GALNTL6: variants seen among roughly 807,000 people sequenced by gnomAD.
The protein encoded by GALNTL6 is polypeptide N-acetylgalactosaminyltransferase-like 6.
A neutral mutation model predicts 73.7 loss-of-function variants in GALNTL6; 46 were observed. The ratio of observed to expected loss-of-function variants is 0.62; its 90% confidence interval spans 0.49 to 0.80. The LOEUF (loss-of-function observed/expected upper bound fraction) is 0.80. GALNTL6 is among the 30% of genes least tolerant of loss of function. GALNTL6 has a pLI of 0.00. For synonymous variants in GALNTL6, 259 were observed against 263.7 expected (o/e 0.98, Z 0.17); for missense variants, 604 against 755.0 (o/e 0.80, Z 2.34).
chr4:171,930,020 C>G (rs982816323), intron 2 of GALNTL6, among the ~76,000 whole-genome samples: 2 of 152,224 alleles, frequency 1.3e-5, no homozygotes, highest in Admixed American at 1.3e-4. Context: ...CAGAAGTGAA[C>G]TAGCCACCCC....
Position 172,279,911 on chromosome 4 carries a change from G to T in GALNTL6, c.248-31703G>T, listed in dbSNP as rs182339012. ...CTATTCAGCCTTATGAGGAACCCAC[G>T]TCCTGTCACATGCTACATTATGGAT... On this transcript the variant is annotated intron_variant, in intron 3 of 12. Transcript: ENST00000506823. Among the ~76,000 whole-genome samples, 10 of 152,184 alleles carry T rather than the reference G, an allele frequency of 6.6e-5. No individual in the cohort carries two copies. The East Asian group carries it at 9.6e-4, about 15-fold the overall frequency.
At chr4:172,875,052 A>G (rs935421268) in intron 7 of GALNTL6, among the ~76,000 whole-genome samples, 1 of 152,100 alleles carries the variant, frequency 6.6e-6, no homozygotes, top group African/African-American at 2.4e-5. Flanking sequence ...CAGAGGAGAA[A>G]AGCACGAGCA....
At chr4:172,651,954 A>C (rs982983400) in intron 5 of GALNTL6, among the ~76,000 whole-genome samples, 19 of 152,198 alleles carry the variant, frequency 1.2e-4, no homozygotes, top group Admixed American at 6.5e-5. Flanking sequence ...AAGAGGTCCC[A>C]GGTTGGCTAA....
intron 2 of GALNTL6, among the ~76,000 whole-genome samples, chr4:171,839,487 G>T (rs1436873564): frequency 6.6e-6 from 1 of 151,890 alleles, no homozygotes; most frequent in African/African-American, 2.4e-5. Flanking sequence ...ACTGTCTGTT[G>T]CTTAGTTTCT....
chr4:172,152,647 C>T (rs1400040981), intron 2 of GALNTL6, among the ~76,000 whole-genome samples: 1 of 152,190 alleles, frequency 6.6e-6, no homozygotes, highest in Non-Finnish European at 1.5e-5. Context: ...TGAGCTCTGA[C>T]GCTGAGGCTG....
intron 2 of GALNTL6, among the ~76,000 whole-genome samples, chr4:171,871,796 A>G (rs532265917): frequency 1.3e-5 from 2 of 152,314 alleles, no homozygotes; most frequent in South Asian, 4.1e-4. Context: ...TAACAATTAC[A>G]TTATACATAA....
chr4:172,229,809 G>T lies in GALNTL6; in HGVS notation c.247+45G>T, dbSNP rs753663241. 5.1e-6 allele frequency: 6 copies of T among 1,169,410 alleles called. No individual in the cohort carries two copies. The East Asian group carries it at 1.4e-4, about 27-fold the overall frequency. 72.4% of individuals were successfully genotyped at this position (1,169,410 alleles called of 1,614,324 possible). On this transcript the variant is annotated intron_variant, in intron 3 of 12. Coordinates refer to ENST00000506823, the MANE Select transcript of GALNTL6 (RefSeq NM_001034845.3). ...CCAAAGTGCTATTTCACTCGCAGCA[G>T]TGTCTCATTTGTCACGTAAAGGATC...
chr4:172,718,022 C>T (rs945888460), intron 5 of GALNTL6, among the ~76,000 whole-genome samples: 2 of 152,112 alleles, frequency 1.3e-5, no homozygotes. Context: ...TTATAAATGT[C>T]AGCAACATAA....
chr4:172,593,078 C>T (rs1737715747), intron 5 of GALNTL6, among the ~76,000 whole-genome samples: 2 of 152,066 alleles, frequency 1.3e-5, no homozygotes, highest in Non-Finnish European at 2.9e-5. Context: ...CAACCCACCA[C>T]CCACAGGCTG....
intron 3 of GALNTL6, among the ~76,000 whole-genome samples, chr4:172,307,412 G>A (rs907872376): frequency 2.0e-5 from 3 of 151,994 alleles, no homozygotes; most frequent in Admixed American, 6.6e-5. Context: ...TGGGGTTCTT[G>A]GTCATGAAGT....
intron 2 of GALNTL6, among the ~76,000 whole-genome samples, chr4:171,957,319 CA>C (rs1739080041): frequency 6.6e-6 from 1 of 152,076 alleles, no homozygotes; most frequent in Admixed American, 6.6e-5. Flanking sequence ...AAGCAATTGT[CA>C]AAAAATAAGT....
rs1561098639 is a variant in GALNTL6, at chr4:172,471,564, C to A, written c.553+122875C>A. 2.6e-5 allele frequency among the ~76,000 whole-genome samples: 4 copies of A among 151,950 alleles called. No individual in the cohort carries two copies. In the East Asian group the frequency reaches 7.7e-4, roughly 29 times the overall value. Reference sequence around the variant, plus strand: ...ATTTTTTTAGCTATTGCCCTTTCTTCTTTTTTTATGACACATTTTTACCCA... The same window carrying A: ...ATTTTTTTAGCTATTGCCCTTTCTTATTTTTTTATGACACATTTTTACCCA... On this transcript the variant is annotated intron_variant, in intron 5 of 12. Transcript: ENST00000506823.
chr4:172,564,553 G>C (rs1298190508), intron 5 of GALNTL6, among the ~76,000 whole-genome samples: 2 of 152,206 alleles, frequency 1.3e-5, no homozygotes, highest in African/African-American at 4.8e-5. Flanking sequence ...AAGAGAGAAA[G>C]CAGAGTGGAA....
chr4:172,175,313 A>T (rs1051137528), intron 2 of GALNTL6, among the ~76,000 whole-genome samples: 3 of 152,038 alleles, frequency 2.0e-5, no homozygotes, highest in African/African-American at 7.2e-5. Context: ...TGATCCACCC[A>T]CCTTGGCCTC....
intron 2 of GALNTL6, among the ~76,000 whole-genome samples, chr4:172,009,743 A>G (rs1444299926): frequency 2.0e-5 from 3 of 152,090 alleles, no homozygotes; most frequent in Admixed American, 6.6e-5. Context: ...GCAGGCACGT[A>G]TGTGGCTTAT....
At chr4:173,037,619 C>G (rs1186521816) in intron 12 of GALNTL6, among the ~76,000 whole-genome samples, 1 of 152,166 alleles carries the variant, frequency 6.6e-6, no homozygotes, top group African/African-American at 2.4e-5. Context: ...TGCATGCATA[C>G]TGAGGTACAC....
chr4:172,059,926 A>G (rs1731142697), intron 2 of GALNTL6, among the ~76,000 whole-genome samples: 1 of 152,150 alleles, frequency 6.6e-6, no homozygotes, highest in Admixed American at 6.5e-5. Context: ...GGGAAATATG[A>G]AGGGCACAGG....
chr4:172,873,664 G>A (rs991512799), intron 7 of GALNTL6, among the ~76,000 whole-genome samples: 2 of 152,186 alleles, frequency 1.3e-5, no homozygotes, highest in African/African-American at 2.4e-5. Flanking sequence ...TGACCTAGAG[G>A]GGCAAATAAG....
chr4:172,687,747 G>A (rs1000954907), intron 5 of GALNTL6, among the ~76,000 whole-genome samples: 11 of 152,002 alleles, frequency 7.2e-5, no homozygotes, highest in African/African-American at 1.2e-4. Flanking sequence ...AGACTTTAGC[G>A]CTTGGCAGAT....
Sources: gnomAD v4.1 joint callset for allele counts (sites outside exome capture counted in the v4.1 genomes callset) on GRCh38, gnomAD v4.1.1 for gene constraint, MANE v1.5 for transcripts, NCBI Gene and HGNC (gene_info 2026-07-23, HGNC 2026-07-21) for gene names.